The following CREB5 variants were observed in gnomAD, a reference collection of about 807,000 sequenced individuals.
The protein encoded by CREB5 is cAMP responsive element binding protein 5, also known as cyclic AMP-responsive element-binding protein 5.
In CREB5, 19 loss-of-function variants were observed where a neutral mutation model predicts 57.1. That is an observed-to-expected ratio of 0.33 (90% confidence interval 0.23 to 0.49). CREB5 has a LOEUF of 0.49. Ranked by LOEUF, CREB5 falls within the 20% of genes least tolerant of loss-of-function variation. CREB5 has a pLI of 0.99. For synonymous variants in CREB5, 238 were observed against 238.3 expected (o/e 1.00, Z 0.01); for missense variants, 579 against 671.6 (o/e 0.86, Z 1.52).
At chr7:28,442,747 T>C (rs936247908) in intron 1 of CREB5, among the ~76,000 whole-genome samples, 1 of 152,204 alleles carries the variant, frequency 6.6e-6, no homozygotes, top group Non-Finnish European at 1.5e-5. Context: ...TAAAGTCACA[T>C]TAATCACTGT....
In CREB5 at chr7:28,601,309, T is replaced by C. The variant is rs138426752; in HGVS notation, c.464+30772T>C. ...CAAAAATCCATAAAGGCAAGAGTAT[T>C]TGGGGACAAAGAAGGGAGGAATAAG... On this transcript the variant is annotated intron_variant, in intron 5 of 10. Transcript: ENST00000357727. Among the ~76,000 whole-genome samples the C allele has an allele frequency of 5.1e-3, 769 of 152,162 alleles. 3 individuals carry two copies. The highest frequency in any genetic ancestry group is 0.013 in the South Asian group (61 of 4,814).
chr7:28,675,634 T>C (rs1232064605), intron 5 of CREB5, among the ~76,000 whole-genome samples: 1 of 152,160 alleles, frequency 6.6e-6, no homozygotes, highest in Admixed American at 6.5e-5. Context: ...CAAATAGCCT[T>C]TGTTAAAATA....
intron 5 of CREB5, among the ~76,000 whole-genome samples, chr7:28,704,842 G>A (rs1191115856): frequency 6.6e-6 from 1 of 152,032 alleles, no homozygotes; most frequent in Non-Finnish European, 1.5e-5. Flanking sequence ...CATTTTTTGT[G>A]TGTGTGTGCA....
At chr7:28,542,082 A>G (rs548094851) in intron 4 of CREB5, among the ~76,000 whole-genome samples, 6 of 152,214 alleles carry the variant, frequency 3.9e-5, no homozygotes, top group Non-Finnish European at 5.9e-5. Flanking sequence ...ACAGTAGCCA[A>G]CGTTTGACAA....
intron 5 of CREB5, among the ~76,000 whole-genome samples, chr7:28,707,859 A>G (rs557938674): frequency 5.9e-5 from 9 of 152,344 alleles, no homozygotes; most frequent in African/African-American, 2.2e-4. Context: ...AACTTTGAAG[A>G]TCATCATCAT....
At chr7:28,812,261 C>T (rs1809161170) in intron 9 of CREB5, among the ~76,000 whole-genome samples, 1 of 152,192 alleles carries the variant, frequency 6.6e-6, no homozygotes, top group African/African-American at 2.4e-5. Flanking sequence ...TTGCAGAATT[C>T]CTTCAGGGTA....
At chr7:28,672,568 C>G (rs1437391120) in intron 5 of CREB5, among the ~76,000 whole-genome samples, 1 of 152,162 alleles carries the variant, frequency 6.6e-6, no homozygotes, top group African/African-American at 2.4e-5. Context: ...CTGTCTTGAC[C>G]TGGTTAACGG....
At chr7:28,544,221 C>A (rs1794323832) in intron 4 of CREB5, among the ~76,000 whole-genome samples, 1 of 152,042 alleles carries the variant, frequency 6.6e-6, no homozygotes, top group South Asian at 2.1e-4. Context: ...GCTTCATTTG[C>A]TTGTTATTTT....
chr7:28,512,647 C>CTCTG (rs1554335424), intron 4 of CREB5, among the ~76,000 whole-genome samples: 1,376 of 75,452 alleles, frequency 0.018, 17 homozygotes, highest in African/African-American at 0.072. Context: ...CATATAATAA[C>CTCTG]TGTGTGTGTG....
At position 28,576,986 on chromosome 7, in the gene CREB5, A is replaced by G. The variant is rs545798637; in HGVS notation, c.464+6449A>G. ...CTAGACATTTGTTCTTTTGTGCAGC[A>G]TATTGAAAAGATATGCCTGGAATAC... On this transcript the variant is annotated intron_variant, in intron 5 of 10. Coordinates refer to ENST00000357727, the MANE Select transcript of CREB5 (RefSeq NM_182898.4). Among the ~76,000 whole-genome samples, 82 of 152,348 alleles carry G rather than the reference A, an allele frequency of 5.4e-4. No homozygotes were observed. In the South Asian group the frequency reaches 0.017, roughly 31 times the overall value.
intron 7 of CREB5, chr7:28,726,731 G>A (rs1211245619): frequency 6.6e-6 from 1 of 152,108 alleles, no homozygotes; most frequent in African/African-American, 2.4e-5. Context: ...CACTCTGCAG[G>A]GTGTGTTCCC....
chr7:28,395,455 T>C (rs1787316132), intron 1 of CREB5, among the ~76,000 whole-genome samples: 1 of 152,228 alleles, frequency 6.6e-6, no homozygotes, highest in South Asian at 2.1e-4. Flanking sequence ...TTCCTGATGT[T>C]TCTGTTTTCA....
At chr7:28,564,458 G>GT (rs1795404854) in intron 4 of CREB5, among the ~76,000 whole-genome samples, 2 of 152,094 alleles carry the variant, frequency 1.3e-5, no homozygotes, top group African/African-American at 2.4e-5. Flanking sequence ...GCATCAGATT[G>GT]TTTTTTTGCA....
At chr7:28,534,356 C>T (rs73301107) in intron 4 of CREB5, among the ~76,000 whole-genome samples, 2,980 of 152,302 alleles carry the variant, frequency 0.02, 94 homozygotes, top group African/African-American at 0.067. Context: ...GCCCACCCTG[C>T]GTCCTCCCCC....
intron 1 of CREB5, among the ~76,000 whole-genome samples, chr7:28,405,658 C>T (rs1353893764): frequency 6.6e-6 from 1 of 152,146 alleles, no homozygotes; most frequent in Non-Finnish European, 1.5e-5. Flanking sequence ...CTCAAGTTAT[C>T]CTCCCGTCTC....
At chr7:28,722,783 C>G (rs980353288) in intron 6 of CREB5, among the ~76,000 whole-genome samples, 7 of 152,194 alleles carry the variant, frequency 4.6e-5, no homozygotes. Flanking sequence ...GATGACTGAT[C>G]AGCTCATTCA....
chr7:28,672,184 A>C (rs3926364), intron 5 of CREB5, among the ~76,000 whole-genome samples: 53,980 of 139,066 alleles, frequency 0.39, 10,588 homozygotes, highest in African/African-American at 0.54. Context: ...GGAAAAAAAA[A>C]AAAAACACAC....
At chr7:28,481,373 T>C (rs1282875133) in intron 1 of CREB5, among the ~76,000 whole-genome samples, 9 of 152,186 alleles carry the variant, frequency 5.9e-5, no homozygotes, top group Non-Finnish European at 1.3e-4. Context: ...AACAGAATAG[T>C]AATATTTAAC....
chr7:28,384,983 TA>T (rs1250842509), intron 1 of CREB5, among the ~76,000 whole-genome samples: 6 of 152,210 alleles, frequency 3.9e-5, no homozygotes, highest in African/African-American at 1.4e-4. Flanking sequence ...TCAGTGTTTA[TA>T]TAATTAGTTC....
Sources: allele counts gnomAD v4.1 joint callset (sites outside exome capture counted in the v4.1 genomes callset), GRCh38; gene constraint gnomAD v4.1.1; transcripts MANE v1.5; gene names NCBI Gene and HGNC (gene_info 2026-07-23, HGNC 2026-07-21).